Variants in LATS2 observed in about 807,000 individuals in gnomAD.
LATS2 encodes the protein serine/threonine-protein kinase LATS2.
A neutral mutation model predicts 76.0 loss-of-function variants in LATS2; 24 were observed. That is an observed-to-expected ratio of 0.32 (90% CI 0.23 to 0.44). LATS2 has a LOEUF of 0.44. Ranked by LOEUF, LATS2 falls within the 20% of genes least tolerant of loss-of-function variation. LATS2 has a pLI of 1.00. For synonymous variants in LATS2, 692 were observed against 635.4 expected (o/e 1.09, Z -1.34); for missense variants, 1,286 against 1,481.2 (o/e 0.87, Z 2.16).
intron 2 of LATS2, among the ~76,000 whole-genome samples, chr13:21,000,888 C>T (rs1238262901): frequency 6.6e-6 from 1 of 152,066 alleles, no homozygotes; most frequent in Non-Finnish European, 1.5e-5. Context: ...ATCAGTTATG[C>T]CTATGAACAA....
At chr13:21,001,945 GCT>G (rs1871059978) in intron 2 of LATS2, among the ~76,000 whole-genome samples, 1 of 150,688 alleles carries the variant, frequency 6.6e-6, no homozygotes, top group Non-Finnish European at 1.5e-5. Flanking sequence ...GCGGAGTCTC[GCT>G]CTGTCGCCCA....
At chr13:20,976,746 T>C (rs1337362853) in intron 7 of LATS2, among the ~76,000 whole-genome samples, 1 of 152,104 alleles carries the variant, frequency 6.6e-6, no homozygotes, top group African/African-American at 2.4e-5. Flanking sequence ...AGATACCACC[T>C]TACATCCCCT....
intron 2 of LATS2, among the ~76,000 whole-genome samples, chr13:21,044,705 T>C (rs890326983): frequency 2.4e-5 from 3 of 125,042 alleles, no homozygotes; most frequent in Non-Finnish European, 3.8e-5. Flanking sequence ...TGTGTGTGTG[T>C]GTGTGTGTGT....
chr13:20,987,778 A>T lies in LATS2; in HGVS notation c.1899+103T>A, dbSNP rs1461562301. On this transcript the variant is annotated intron_variant, in intron 4 of 7. Coordinates refer to ENST00000382592, the MANE Select transcript of LATS2 (RefSeq NM_014572.3). ...CTGTCGCCCATTAGCCGTTTTGATGATAAGGGGTATACAGTCGAAACAGAA... is the reference window on the plus strand; with the variant it reads ...CTGTCGCCCATTAGCCGTTTTGATGTTAAGGGGTATACAGTCGAAACAGAA... 15 of 1,340,222 alleles carry T rather than the reference A, an allele frequency of 1.1e-5. No individual in the cohort carries two copies. In the East Asian group the frequency reaches 3.5e-4, roughly 31 times the overall value. The allele number at this position is 1,340,222 out of a possible 1,614,324, so 83.0% of individuals were successfully genotyped here.
intron 2 of LATS2, among the ~76,000 whole-genome samples, chr13:21,007,663 AGTGTG>A (rs1190796956): frequency 1.4e-4 from 1 of 7,128 alleles, no homozygotes; most frequent in African/African-American, 8.4e-4. Flanking sequence ...ATATATATAT[AGTGTG>A]TATATATATA....
chr13:21,045,047 T>C (rs1873016198), intron 2 of LATS2, among the ~76,000 whole-genome samples: 1 of 152,154 alleles, frequency 6.6e-6, no homozygotes, highest in African/African-American at 2.4e-5. Context: ...TGTATTAATG[T>C]ATAACTGGTG....
chr13:21,027,573 T>C (rs1595244420), intron 2 of LATS2, among the ~76,000 whole-genome samples: 1 of 152,200 alleles, frequency 6.6e-6, no homozygotes, highest in East Asian at 1.9e-4. Context: ...TGTACTCTGT[T>C]CCACTACCTG....
At chr13:21,024,299 G>A (rs1565957948) in intron 2 of LATS2, among the ~76,000 whole-genome samples, 1 of 151,744 alleles carries the variant, frequency 6.6e-6, no homozygotes, top group Non-Finnish European at 1.5e-5. Context: ...GCTGGGTGTG[G>A]TAGCACATGC....
chr13:21,039,968 G>A (rs538941141), intron 2 of LATS2, among the ~76,000 whole-genome samples: 1 of 152,244 alleles, frequency 6.6e-6, no homozygotes, highest in Non-Finnish European at 1.5e-5. Flanking sequence ...AGCTACTTGG[G>A]AGGCTGAGGC....
intron 2 of LATS2, among the ~76,000 whole-genome samples, chr13:20,996,141 C>T (rs994255326): frequency 2.0e-5 from 3 of 152,172 alleles, no homozygotes; most frequent in African/African-American, 7.2e-5. Context: ...CATATGAGCA[C>T]CAGATTTGGC....
At chr13:21,044,956 G>A (rs1432013205) in intron 2 of LATS2, among the ~76,000 whole-genome samples, 1 of 151,988 alleles carries the variant, frequency 6.6e-6, no homozygotes, top group African/African-American at 2.4e-5. Context: ...TCAAACTCCT[G>A]GCCTCAAGTG....
intron 2 of LATS2, among the ~76,000 whole-genome samples, chr13:20,998,231 G>A (rs1330516033): frequency 6.6e-6 from 1 of 152,142 alleles, no homozygotes; most frequent in Non-Finnish European, 1.5e-5. Context: ...GTGGGTGCCT[G>A]TAGTTCCAGC....
chr13:20,980,259 A>G (rs949901234), intron 6 of LATS2, among the ~76,000 whole-genome samples: 2 of 152,180 alleles, frequency 1.3e-5, no homozygotes, highest in African/African-American at 4.8e-5. Flanking sequence ...AACCCACCGG[A>G]CAATTCACTG....
At chr13:21,005,921 C>T (rs1357099095) in intron 2 of LATS2, among the ~76,000 whole-genome samples, 1 of 152,036 alleles carries the variant, frequency 6.6e-6, no homozygotes, top group Non-Finnish European at 1.5e-5. Flanking sequence ...CAAGACCAGC[C>T]TGACTGACAT....
intron 2 of LATS2, among the ~76,000 whole-genome samples, chr13:21,043,720 T>C (rs1872968370): frequency 6.6e-6 from 1 of 152,254 alleles, no homozygotes; most frequent in African/African-American, 2.4e-5. Context: ...GAAACAGCAC[T>C]GGCTTTATTA....
chr13:20,999,203 C>G (rs1870916395), intron 2 of LATS2, among the ~76,000 whole-genome samples: 1 of 152,230 alleles, frequency 6.6e-6, no homozygotes, highest in Non-Finnish European at 1.5e-5. Flanking sequence ...AATGAGTCGC[C>G]ACCTTGCGCG....
intron 2 of LATS2, among the ~76,000 whole-genome samples, chr13:21,011,701 G>A (rs1271724141): frequency 6.6e-6 from 1 of 152,156 alleles, no homozygotes; most frequent in African/African-American, 2.4e-5. Flanking sequence ...AGACTTAACA[G>A]AGTTTCAAAA....
intron 2 of LATS2, among the ~76,000 whole-genome samples, chr13:21,014,762 TA>T (rs1871736255): frequency 6.6e-6 from 1 of 152,240 alleles, no homozygotes; most frequent in African/African-American, 2.4e-5. Context: ...GATACCTTTT[TA>T]AAAAAGAATG....
intron 1 of LATS2, among the ~76,000 whole-genome samples, chr13:21,055,355 T>C (rs1225890239): frequency 6.6e-6 from 1 of 152,222 alleles, no homozygotes; most frequent in Non-Finnish European, 1.5e-5. Flanking sequence ...TTTGGAAATT[T>C]CTTTGGCATC....
Sources: gnomAD v4.1 joint callset for allele counts (sites outside exome capture counted in the v4.1 genomes callset) on GRCh38, gnomAD v4.1.1 for gene constraint, MANE v1.5 for transcripts, NCBI Gene and HGNC (gene_info 2026-07-23, HGNC 2026-07-21) for gene names.